The following DOCK3 variants were observed in gnomAD, a reference collection of about 807,000 sequenced individuals.
DOCK3 encodes the protein dedicator of cytokinesis protein 3.
Under a neutral mutation model 265.6 loss-of-function variants are expected in DOCK3, and 60 were observed. The observed-to-expected ratio is 0.23, with a 90% CI of 0.18 to 0.28. The LOEUF (loss-of-function observed/expected upper bound fraction) is 0.28. DOCK3 is among the 10% of genes least tolerant of loss of function. The pLI is 1.00. For synonymous variants in DOCK3, 881 were observed against 938.0 expected (o/e 0.94, Z 1.11); for missense variants, 1,981 against 2,594.3 (o/e 0.76, Z 5.14).
At chr3:51,330,625 G>A (rs2084453960) in intron 33 of DOCK3, among the ~76,000 whole-genome samples, 1 of 152,048 alleles carries the variant, frequency 6.6e-6, no homozygotes, top group African/African-American at 2.4e-5. Context: ...TTGTAAGGTA[G>A]TACAATCAGC....
intron 2 of DOCK3, among the ~76,000 whole-genome samples, chr3:50,841,368 C>A (rs2045814682): frequency 6.6e-6 from 1 of 152,172 alleles, no homozygotes; most frequent in African/African-American, 2.4e-5. Context: ...TTTAGCATTT[C>A]TCTGCCCCAA....
rs781479238 is a variant in DOCK3, at chr3:51,267,364, G to A, written c.2356-3451G>A. Among the ~76,000 whole-genome samples, 4 of 150,588 alleles carry A rather than the reference G, an allele frequency of 2.7e-5. 1 individual carries two copies. The highest frequency in any genetic ancestry group is 6.6e-5 in the Admixed American group (1 of 15,090). On this transcript the variant is annotated intron_variant, in intron 23 of 52. Transcript: ENST00000266037. ...ATCATTCTACTATAAAGACACATGC[G>A]CACGTATGGTTTTTTTCTTTCTTTT...
chr3:51,088,326 G>T (rs538656165), intron 7 of DOCK3, among the ~76,000 whole-genome samples: 1 of 152,260 alleles, frequency 6.6e-6, no homozygotes, highest in South Asian at 2.1e-4. Context: ...TAGTTAGAAG[G>T]AATAAGTTCT....
At chr3:51,105,438 C>G (rs2083245449) in intron 9 of DOCK3, among the ~76,000 whole-genome samples, 2 of 151,958 alleles carry the variant, frequency 1.3e-5, no homozygotes, top group Admixed American at 1.3e-4. Context: ...AGACATGTGC[C>G]CATAAAAAAG....
At chr3:50,782,576 A>AGTGT (rs145578993) in intron 2 of DOCK3, among the ~76,000 whole-genome samples, 3,777 of 147,264 alleles carry the variant, frequency 0.026, 148 homozygotes, top group African/African-American at 0.085. Context: ...TTATTTTTTG[A>AGTGT]GTGTGTGTGT....
chr3:51,081,755 G>C (rs1039373999), intron 7 of DOCK3, among the ~76,000 whole-genome samples: 1 of 152,004 alleles, frequency 6.6e-6, no homozygotes, highest in Non-Finnish European at 1.5e-5. Context: ...AATTAGCTGG[G>C]CGTGGTGGCG....
At chr3:51,166,867 C>T (rs1359915423) in intron 12 of DOCK3, among the ~76,000 whole-genome samples, 1 of 151,934 alleles carries the variant, frequency 6.6e-6, no homozygotes, top group Non-Finnish European at 1.5e-5. Context: ...GATATTAATC[C>T]CCTATCAGAT....
chr3:50,725,647 C>A (rs1260968144), intron 1 of DOCK3, among the ~76,000 whole-genome samples: 2 of 152,138 alleles, frequency 1.3e-5, no homozygotes, highest in Admixed American at 6.5e-5. Context: ...TACCTACTCA[C>A]CGTCTCCCAT....
intron 1 of DOCK3, among the ~76,000 whole-genome samples, chr3:50,701,526 T>C (rs1484669383): frequency 6.6e-6 from 1 of 152,214 alleles, no homozygotes; most frequent in Non-Finnish European, 1.5e-5. Flanking sequence ...TTTTCTCCCA[T>C]TCTGTGTGTT....
intron 1 of DOCK3, among the ~76,000 whole-genome samples, chr3:50,725,888 G>A (rs2037792455): frequency 6.6e-6 from 1 of 152,118 alleles, no homozygotes; most frequent in African/African-American, 2.4e-5. Context: ...GGCATATACA[G>A]TCATCCCTTG....
intron 3 of DOCK3, among the ~76,000 whole-genome samples, chr3:50,850,725 A>G (rs908164492): frequency 2.6e-5 from 4 of 152,048 alleles, no homozygotes; most frequent in Non-Finnish European, 4.4e-5. Context: ...AGGATGTGCA[A>G]TAGTAGAGAA....
intron 12 of DOCK3, among the ~76,000 whole-genome samples, chr3:51,206,573 G>A (rs2089224406): frequency 6.6e-6 from 1 of 151,852 alleles, no homozygotes; most frequent in Non-Finnish European, 1.5e-5. Flanking sequence ...AAAAAAAAAA[G>A]AGAGAGACGG....
At chr3:50,869,630 C>T (rs574932084) in intron 3 of DOCK3, among the ~76,000 whole-genome samples, 29 of 151,776 alleles carry the variant, frequency 1.9e-4, no homozygotes, top group Non-Finnish European at 3.5e-4. Flanking sequence ...TTTTGGCCTC[C>T]GAAAGTGCTG....
intron 4 of DOCK3, among the ~76,000 whole-genome samples, chr3:50,902,856 G>A (rs1050761252): frequency 6.6e-6 from 1 of 152,062 alleles, no homozygotes; most frequent in Non-Finnish European, 1.5e-5. Flanking sequence ...CTTAAGCAGC[G>A]GTTTGTAGTT....
At position 50,835,222 on chromosome 3, in the gene DOCK3, C is replaced by T. The variant is rs1205978318; in HGVS notation, c.122-6453C>T. On this transcript the variant is annotated intron_variant, in intron 2 of 52. Coordinates refer to ENST00000266037, the MANE Select transcript of DOCK3 (RefSeq NM_004947.5). ...CTTTAATCTAGGCAAAATCACCTCA[C>T]ATTCACATGCCTTTTTATGATCTTT... 2.6e-5 allele frequency among the ~76,000 whole-genome samples: 4 copies of T among 152,322 alleles called. No homozygotes were observed. In the South Asian group the frequency reaches 6.2e-4, roughly 24 times the overall value.
At chr3:51,295,725 C>T (rs1247817625) in intron 27 of DOCK3, among the ~76,000 whole-genome samples, 1 of 151,350 alleles carries the variant, frequency 6.6e-6, no homozygotes, top group Non-Finnish European at 1.5e-5. Flanking sequence ...AAGATGTGTG[C>T]TCTAGCCATT....
chr3:50,978,310 A>T (rs1487004277), intron 5 of DOCK3, among the ~76,000 whole-genome samples: 2 of 151,542 alleles, frequency 1.3e-5, no homozygotes. Flanking sequence ...GGTGATGTAC[A>T]GATGGGTTTT....
chr3:50,782,686 A>G (rs12496601), intron 2 of DOCK3, among the ~76,000 whole-genome samples: 13,414 of 151,530 alleles, frequency 0.089, 1,227 homozygotes, highest in East Asian at 0.33. Context: ...GTTTGGTTAC[A>G]TGAGTGAGTT....
At chr3:51,066,342 C>T (rs146960904) in intron 6 of DOCK3, among the ~76,000 whole-genome samples, 166 of 152,202 alleles carry the variant, frequency 1.1e-3, no homozygotes, top group African/African-American at 3.5e-3. Flanking sequence ...AAACTCACAA[C>T]GAGGCACATT....
Sources: allele counts gnomAD v4.1 joint callset (sites outside exome capture counted in the v4.1 genomes callset), GRCh38; gene constraint gnomAD v4.1.1; transcripts MANE v1.5; gene names NCBI Gene and HGNC (gene_info 2026-07-23, HGNC 2026-07-21).